Variants in BRPF3 observed in about 807,000 individuals in gnomAD.
BRPF3 encodes the protein bromodomain and PHD finger-containing protein 3.
Under a neutral mutation model 102.0 loss-of-function variants are expected in BRPF3, and 18 were observed. The observed-to-expected ratio is 0.18, with a 90% confidence interval of 0.12 to 0.26. BRPF3 has a LOEUF of 0.26. Ranked by LOEUF, BRPF3 falls within the 10% of genes least tolerant of loss-of-function variation. BRPF3 has a pLI of 1.00. For missense variants in BRPF3, 1,147 were observed against 1,567.8 expected, an observed-to-expected ratio of 0.73 and a Z score of 4.53; for synonymous variants, 570 against 614.2, an observed-to-expected ratio of 0.93 and a Z score of 1.06.
chr6:36,200,715 C>T lies in BRPF3; in HGVS notation c.393C>T (p.Pro131=), dbSNP rs758569321. The part of the protein sequence containing the change: ...MVDSGIQPEA[P]PLPAAYYRYI... ...ACTCAGGCATCCAGCCAGAAGCACCCCCGCTGCCTGCTGCCTACTACCGCT... is the reference window on the plus strand; with the variant it reads ...ACTCAGGCATCCAGCCAGAAGCACCTCCGCTGCCTGCTGCCTACTACCGCT... The change falls in exon 2 of 13, where the codon CCC becomes CCT. Residue 131 remains proline (P), a synonymous_variant. Coordinates refer to ENST00000357641, the MANE Select transcript of BRPF3 (RefSeq NM_015695.3). This position sits in a 1 kb window ranked among gnomAD's most constrained non-coding sequence, Gnocchi z 5.3. The T allele has an allele frequency of 1.9e-6, 3 of 1,614,160 alleles. No homozygotes were observed. The highest frequency in any genetic ancestry group is 3.3e-4 in the Middle Eastern group (2 of 6,062).
Position 36,213,871 on chromosome 6 carries a change from T to C in BRPF3, c.2483-9T>C, listed in dbSNP as rs1255831123. On this transcript the variant is annotated splice_polypyrimidine_tract_variant and intron_variant, in intron 7 of 12. Coordinates refer to ENST00000357641, the MANE Select transcript of BRPF3 (RefSeq NM_015695.3). ...AAATGTTCAAGCAGATTCTCTTTTT[T>C]TCTAATAGATGACTCCAAACTGCCT... 6.4e-7 allele frequency: 1 copy of C among 1,573,806 alleles called. No individual in the cohort carries two copies. Among genetic ancestry groups the C allele is most frequent in the South Asian group, 1.2e-5 (1 of 85,448 alleles).
intron 12 of BRPF3, 128 bp downstream of exon 12, chr6:36,229,184 C>G (rs1464746574): frequency 3.4e-6 from 4 of 1,191,662 alleles, no homozygotes; most frequent in Non-Finnish European, 4.6e-6. Context: ...TTGCCAGCAA[C>G]AGGCCTGCAC....
chr6:36,224,385 C>T (rs1768660698), intron 10 of BRPF3, among the ~76,000 whole-genome samples: 1 of 152,112 alleles, frequency 6.6e-6, no homozygotes, highest in South Asian at 2.1e-4. Context: ...CTGTGAAGCA[C>T]TCATTCACAT....
Position 36,210,429 on chromosome 6 carries a change from C to G in BRPF3, c.2080C>G (p.Arg694Gly), listed in dbSNP as rs1029434644. The G allele has an allele frequency of 6.2e-7, 1 of 1,613,146 alleles. No homozygotes were observed. Among genetic ancestry groups the G allele is most frequent in the Admixed American group, 1.7e-5 (1 of 60,022 alleles). Residue 694 changes from arginine to glycine, a missense_variant, in exon 6 of 13, where the codon CGG becomes GGG. Physicochemically the swap from Arg to Gly is moderately radical, Grantham distance 125 (BLOSUM62 -2). Coordinates refer to ENST00000357641, the MANE Select transcript of BRPF3 (RefSeq NM_015695.3). This position sits in a 1 kb window ranked among gnomAD's most constrained non-coding sequence, Gnocchi z 4.7. ...DLGGAILRHA[R>G]RQAENIGYDP... ...GGGAGGGGCCATCCTACGGCACGCC[C>G]GGCGGCAGGCAGAGAACATCGGCTA...
intron 11 of BRPF3, among the ~76,000 whole-genome samples, chr6:36,226,001 T>C (rs565619008): frequency 1.3e-3 from 191 of 152,360 alleles, no homozygotes; most frequent in Admixed American, 2.8e-3. Context: ...GCACATCTTA[T>C]GCCATTAAAC....
intron 7 of BRPF3, among the ~76,000 whole-genome samples, chr6:36,212,930 G>A (rs575321860): frequency 7.9e-4 from 120 of 152,118 alleles, no homozygotes; most frequent in Admixed American, 2.0e-3. Context: ...TCCGCAGTCC[G>A]GCCTGGGCGA....
intron 11 of BRPF3, among the ~76,000 whole-genome samples, chr6:36,228,348 GA>G (rs1768815211): frequency 6.6e-6 from 1 of 152,200 alleles, no homozygotes; most frequent in Non-Finnish European, 1.5e-5. Flanking sequence ...AAGCAAACCT[GA>G]AGGAGAAGGG....
chr6:36,213,739 G>A (rs1349783973), intron 7 of BRPF3, 141 bp from the exon 8 acceptor site: 7 of 817,390 alleles, frequency 8.6e-6, no homozygotes, highest in East Asian at 2.6e-5. Flanking sequence ...CTTTCTCTTT[G>A]CTTCAGATCT....
intron 11 of BRPF3, 62 bp from the exon 12 acceptor site, chr6:36,228,840 A>C (rs1255064748): frequency 6.3e-7 from 1 of 1,590,196 alleles, no homozygotes; most frequent in Non-Finnish European, 8.6e-7. Flanking sequence ...TTGGTCCTGC[A>C]GCAGGGGCAC....
At chr6:36,227,340 T>C (rs1188513103) in intron 11 of BRPF3, among the ~76,000 whole-genome samples, 1 of 152,230 alleles carries the variant, frequency 6.6e-6, no homozygotes, top group African/African-American at 2.4e-5. Context: ...TAATGTTGAC[T>C]CCAAGCATTT....
At chr6:36,213,775 T>A (rs929041277) in intron 7 of BRPF3, 105 bp from the exon 8 acceptor site, 24 of 1,212,308 alleles carry the variant, frequency 2.0e-5, no homozygotes, top group Non-Finnish European at 2.7e-5. Flanking sequence ...TCTCAAGCCT[T>A]ATAACAGCCA....
chr6:36,198,620 G>C lies in BRPF3; in HGVS notation c.-27+1650G>C, dbSNP rs564012106. ...TGTGAGAAATATTAAAAGTAAGAGG[G>C]CTTTGTAGTTTGGAAAAAGTGCTTT... On this transcript the variant is annotated intron_variant, in intron 1 of 12. Transcript: ENST00000357641. Among the ~76,000 whole-genome samples, 11 of 152,282 alleles carry C rather than the reference G, an allele frequency of 7.2e-5. No individual in the cohort carries two copies. In the South Asian group the frequency reaches 2.1e-3, roughly 29 times the overall value.
chr6:36,218,434 A>G (rs976516213), intron 9 of BRPF3, among the ~76,000 whole-genome samples: 7 of 150,838 alleles, frequency 4.6e-5, no homozygotes, highest in Admixed American at 4.6e-4. Flanking sequence ...GGTGTATGAA[A>G]TGACCAAGTA....
In BRPF3 at chr6:36,210,658, C is replaced by A; in HGVS notation, c.2179+130C>A. 1 of 780,174 alleles carries A rather than the reference C, an allele frequency of 1.3e-6. No homozygotes were observed. Among genetic ancestry groups the A allele is most frequent in the Non-Finnish European group, 2.0e-6 (1 of 496,414 alleles). The allele number at this position is 780,174 out of a possible 1,614,324, so 48.3% of individuals were successfully genotyped here. A position where few individuals can be genotyped will look rare whatever the true frequency, so the allele number is the denominator to read the frequency against. Reference sequence around the variant, plus strand: ...CCAGGAGCAAAGCTGAGGGTGAGCACAGACTGAGGTATACCTTTGTGGCTA... The same window carrying A: ...CCAGGAGCAAAGCTGAGGGTGAGCAAAGACTGAGGTATACCTTTGTGGCTA... On this transcript the variant is annotated intron_variant, in intron 6 of 12. Transcript: ENST00000357641. The surrounding 1 kb of genome is among the most constrained non-coding windows in gnomAD (Gnocchi z 4.7).
chr6:36,207,357 G>A lies in BRPF3; in HGVS notation c.1650G>A (p.Lys550=), dbSNP rs970710065. The stretch of plus-strand genomic sequence containing the variant: ...CAAGTGCAGTGAAGGAGGAGCTGAA[G>A]TATTGGCAGAAGCTCCGGCATGACT... ...EKTSAVKEEL[K]YWQKLRHDLE... Residue 550 remains lysine (K), a synonymous_variant, in exon 4 of 13, where the codon AAG becomes AAA. Coordinates refer to ENST00000357641, the MANE Select transcript of BRPF3 (RefSeq NM_015695.3). 6.2e-7 allele frequency: 1 copy of A among 1,614,136 alleles called. No homozygotes were observed. The highest frequency in any genetic ancestry group is 2.2e-5 in the East Asian group (1 of 44,876).
chr6:36,197,504 C>T (rs1384208819), intron 1 of BRPF3: 1 of 152,338 alleles, frequency 6.6e-6, no homozygotes, highest in Non-Finnish European at 1.5e-5. Context: ...AGAGGTGCCC[C>T]CTTAAAGGAG....
At chr6:36,229,677 A>G (rs562582128) in intron 12 of BRPF3, among the ~76,000 whole-genome samples, 1 of 152,342 alleles carries the variant, frequency 6.6e-6, no homozygotes, top group South Asian at 2.1e-4. Context: ...TAGCACCAAC[A>G]AGAGAGTGCT....
chr6:36,213,722 A>G, intron 7 of BRPF3, 158 bp from the exon 8 acceptor site: 1 of 793,038 alleles, frequency 1.3e-6, no homozygotes, highest in Non-Finnish European at 2.0e-6. Context: ...AAAAAAACCT[A>G]ATCCTCCTTT....
intron 9 of BRPF3, among the ~76,000 whole-genome samples, chr6:36,220,040 G>A (rs148168815): frequency 3.2e-4 from 49 of 152,276 alleles, no homozygotes; most frequent in African/African-American, 1.1e-3. Flanking sequence ...ATCTTCTAAG[G>A]TGTCTGTTCT....
Sources: gnomAD v4.1 joint callset for allele counts (sites outside exome capture counted in the v4.1 genomes callset) on GRCh38, gnomAD v4.1.1 for gene constraint, Gnocchi (gnomAD v3.1) non-coding constraint, MANE v1.5 for transcripts, NCBI Gene and HGNC (gene_info 2026-07-23, HGNC 2026-07-21) for gene names.